KCNJ6: variants seen among roughly 807,000 people sequenced by gnomAD.
KCNJ6 encodes the protein G protein-activated inward rectifier potassium channel 2.
KCNJ6 carries 9 observed loss-of-function variants against 34.2 expected under a neutral mutation model. That is an observed-to-expected ratio of 0.26 (90% CI 0.16 to 0.46). KCNJ6 has a LOEUF of 0.46. KCNJ6 is among the 20% of genes least tolerant of loss of function. KCNJ6 has a pLI of 1.00. For missense variants in KCNJ6, 236 were observed against 531.3 expected (o/e 0.44, Z 5.46); for synonymous variants, 196 against 207.1 (o/e 0.95, Z 0.46).
chr21:37,742,437 T>TTTG (rs760460674), intron 2 of KCNJ6, among the ~76,000 whole-genome samples: 19 of 152,238 alleles, frequency 1.2e-4, no homozygotes, highest in Admixed American at 5.2e-4. Flanking sequence ...AACTGTTTTT[T>TTTG]TTGTTGTTGT....
At chr21:37,723,629 G>T (rs1298437843) in intron 2 of KCNJ6, among the ~76,000 whole-genome samples, 2 of 152,172 alleles carry the variant, frequency 1.3e-5, no homozygotes, top group Non-Finnish European at 2.9e-5. Flanking sequence ...CATAGTAGGT[G>T]GAGGTCATTA....
intron 3 of KCNJ6, among the ~76,000 whole-genome samples, chr21:37,696,542 G>A (rs1291950359): frequency 6.6e-6 from 1 of 152,138 alleles, no homozygotes; most frequent in Non-Finnish European, 1.5e-5. Context: ...AAAGACAGAA[G>A]AATTCCACTA....
At chr21:37,907,000 G>A (rs2055844901) in intron 1 of KCNJ6, among the ~76,000 whole-genome samples, 2 of 152,184 alleles carry the variant, frequency 1.3e-5, no homozygotes, top group Non-Finnish European at 2.9e-5. Context: ...GATTTCTTGA[G>A]AGGAGGAATT....
At chr21:37,910,422 T>C (rs2055861800) in intron 1 of KCNJ6, among the ~76,000 whole-genome samples, 1 of 152,186 alleles carries the variant, frequency 6.6e-6, no homozygotes, top group Non-Finnish European at 1.5e-5. Context: ...AAAAAGTAGA[T>C]GTCTGTAAGT....
At chr21:37,685,918 A>G (rs988214588) in intron 3 of KCNJ6, among the ~76,000 whole-genome samples, 3 of 152,078 alleles carry the variant, frequency 2.0e-5, no homozygotes, top group African/African-American at 4.8e-5. Context: ...TTGACCATAT[A>G]CAAAATCATC....
At chr21:37,913,660 A>G (rs1601528552) in intron 1 of KCNJ6, among the ~76,000 whole-genome samples, 1 of 152,096 alleles carries the variant, frequency 6.6e-6, no homozygotes, top group African/African-American at 2.4e-5. Context: ...TCTACTAAAA[A>G]TACAAAAATT....
At position 37,895,663 on chromosome 21, in the gene KCNJ6, G is replaced by T. The variant is rs1021399266; in HGVS notation, c.-28+20221C>A. ...ACCTGCCCTCAGGGTGAAGTACATT[G>T]TCCTGATTACTTCAGTAAAGAGGAA... On this transcript the variant is annotated intron_variant, in intron 1 of 3. Coordinates refer to ENST00000609713, the MANE Select transcript of KCNJ6 (RefSeq NM_002240.5). 2.0e-5 allele frequency among the ~76,000 whole-genome samples: 3 copies of T among 152,132 alleles called. 1 individual carries two copies. The highest frequency in any genetic ancestry group is 6.3e-3 in the Middle Eastern group (2 of 316).
intron 3 of KCNJ6, among the ~76,000 whole-genome samples, chr21:37,631,667 G>C (rs535188936): frequency 2.6e-5 from 4 of 152,270 alleles, no homozygotes; most frequent in African/African-American, 9.6e-5. Context: ...ACCTGAGAGT[G>C]GCCCCAGTGT....
chr21:37,608,452 T>C lies in KCNJ6; in HGVS notation c.*16707A>G, dbSNP rs886141235. 1.1e-4 allele frequency: 16 copies of C among 152,244 alleles called. No individual in the cohort carries two copies. The highest frequency in any genetic ancestry group is 3.6e-4 in the African/African-American group (15 of 41,466). 9.4% of individuals were successfully genotyped at this position (152,244 alleles called of 1,614,324 possible). A position where few individuals can be genotyped will look rare whatever the true frequency, so the allele number is the denominator to read the frequency against. ...GAATTACAGGCATGAACCATTGTGC[T>C]TGCCTGCCCTTGGATCTCTGTCTCC... On this transcript the variant is annotated 3_prime_UTR_variant, in exon 4 of 4. Transcript: ENST00000609713.
At chr21:37,811,882 G>C (rs2211843) in intron 2 of KCNJ6, among the ~76,000 whole-genome samples, 1 of 152,024 alleles carries the variant, frequency 6.6e-6, no homozygotes, top group African/African-American at 2.4e-5. Flanking sequence ...AATGAAAGGG[G>C]AGACATGGGA....
At chr21:37,886,805 G>A (rs570208186) in intron 1 of KCNJ6, among the ~76,000 whole-genome samples, 26 of 152,228 alleles carry the variant, frequency 1.7e-4, no homozygotes, top group African/African-American at 6.3e-4. Context: ...TTTGAGGGCT[G>A]GAATCGTGAC....
In KCNJ6 at chr21:37,728,966, G is replaced by T. The variant is rs180706619; in HGVS notation, c.26-13835C>A. On this transcript the variant is annotated intron_variant, in intron 2 of 3. Coordinates refer to ENST00000609713, the MANE Select transcript of KCNJ6 (RefSeq NM_002240.5). The stretch of plus-strand genomic sequence containing the variant: ...TGTGTTGTCATGTGAAGGTGAGCTG[G>T]TTTTGATTTGCTGTGTCCCTTGAGC... Among the ~76,000 whole-genome samples the T allele has an allele frequency of 3.2e-4, 48 of 152,266 alleles. No individual in the cohort carries two copies. In the East Asian group the frequency reaches 8.7e-3, roughly 28 times the overall value.
chr21:37,880,163 G>C (rs1332971672), intron 1 of KCNJ6, among the ~76,000 whole-genome samples: 1 of 151,836 alleles, frequency 6.6e-6, no homozygotes, highest in East Asian at 1.9e-4. Context: ...TATAATCCCA[G>C]TTACTCGGGA....
chr21:37,778,119 AC>A (rs1360403973), intron 2 of KCNJ6, among the ~76,000 whole-genome samples: 2 of 152,198 alleles, frequency 1.3e-5, no homozygotes, highest in African/African-American at 4.8e-5. Context: ...TAGAAAAAGA[AC>A]TGTGTTTGAT....
chr21:37,716,144 A>C (rs970534769), intron 2 of KCNJ6, among the ~76,000 whole-genome samples: 1 of 152,164 alleles, frequency 6.6e-6, no homozygotes, highest in Non-Finnish European at 1.5e-5. Context: ...GTCTTGAACA[A>C]GCTCTTTGAA....
At chr21:37,866,843 A>G (rs1178278487) in intron 1 of KCNJ6, among the ~76,000 whole-genome samples, 1 of 152,204 alleles carries the variant, frequency 6.6e-6, no homozygotes, top group Non-Finnish European at 1.5e-5. Context: ...AGCAATGAAG[A>G]TTACTGGATG....
At chr21:37,834,014 C>G (rs1441928892) in intron 2 of KCNJ6, among the ~76,000 whole-genome samples, 1 of 152,184 alleles carries the variant, frequency 6.6e-6, no homozygotes, top group African/African-American at 2.4e-5. Context: ...CCACTACATC[C>G]CACTGGTCAC....
intron 1 of KCNJ6, among the ~76,000 whole-genome samples, chr21:37,901,128 A>T (rs2055815055): frequency 6.6e-6 from 1 of 152,206 alleles, no homozygotes; most frequent in Non-Finnish European, 1.5e-5. Flanking sequence ...GCTCAGGTAA[A>T]ATAAATTGAC....
At chr21:37,751,097 A>T (rs1046686309) in intron 2 of KCNJ6, among the ~76,000 whole-genome samples, 7 of 152,164 alleles carry the variant, frequency 4.6e-5, no homozygotes, top group Non-Finnish European at 1.0e-4. Flanking sequence ...TGAAGTAGGG[A>T]ATATTTTTGA....
Sources: gnomAD v4.1 joint callset for allele counts (sites outside exome capture counted in the v4.1 genomes callset) on GRCh38, gnomAD v4.1.1 for gene constraint, MANE v1.5 for transcripts, NCBI Gene and HGNC (gene_info 2026-07-23, HGNC 2026-07-21) for gene names.